Variants in C6 observed in about 807,000 individuals in gnomAD.
The protein encoded by C6 is complement C6, also known as complement component C6.
C6 carries 101 observed loss-of-function variants against 112.9 expected under a neutral mutation model. That is an observed-to-expected ratio of 0.89 (90% CI 0.76 to 1.06). C6 has a LOEUF of 1.06. Among genes scored for constraint, C6 ranks in the 50% least tolerant of loss-of-function variants. The pLI is 0.00. For missense variants in C6, 1,202 were observed against 1,104.6 expected, an observed-to-expected ratio of 1.09 and a Z score of -1.25; for synonymous variants, 431 against 384.1, an observed-to-expected ratio of 1.12 and a Z score of -1.43.
intron 9 of C6, among the ~76,000 whole-genome samples, chr5:41,164,041 G>A (rs754328551): frequency 1.7e-4 from 25 of 149,996 alleles, no homozygotes; most frequent in Non-Finnish European, 1.5e-5. Flanking sequence ...ATATGGAATA[G>A]GTATATAAAT....
intron 5 of C6, among the ~76,000 whole-genome samples, chr5:41,188,393 A>T (rs571666491): frequency 6.6e-6 from 1 of 152,246 alleles, no homozygotes; most frequent in South Asian, 2.1e-4. Flanking sequence ...GGTCATCAAG[A>T]CAGTGTAGTA....
chr5:41,231,223 T>G (rs1352317025), intron 1 of C6, among the ~76,000 whole-genome samples: 2 of 152,178 alleles, frequency 1.3e-5, no homozygotes, highest in Non-Finnish European at 2.9e-5. Context: ...GATAAGGATT[T>G]ACTTGTTTCA....
chr5:41,160,049 TA>T, intron 11 of C6, 92 bp downstream of exon 11: 1 of 983,304 alleles, frequency 1.0e-6, no homozygotes, highest in Non-Finnish European at 1.6e-6. Context: ...TGGAGGTTGC[TA>T]ATAGAAGTTT....
upstream of C6, among the ~76,000 whole-genome samples, chr5:41,215,048 C>G (rs2150398932): frequency 6.6e-6 from 1 of 152,268 alleles, no homozygotes; most frequent in South Asian, 2.1e-4. Flanking sequence ...GGTTCTCCAT[C>G]TTGGGTTCTT....
chr5:41,183,043 T>C (rs976017671), intron 6 of C6, among the ~76,000 whole-genome samples: 2 of 152,236 alleles, frequency 1.3e-5, no homozygotes, highest in African/African-American at 4.8e-5. Context: ...AACAACTAGC[T>C]CTCTGGGAAG....
intron 5 of C6, among the ~76,000 whole-genome samples, chr5:41,194,491 G>A (rs1750456385): frequency 6.6e-6 from 1 of 152,040 alleles, no homozygotes; most frequent in Non-Finnish European, 1.5e-5. Context: ...AATATTTTCT[G>A]GGTTTTATTC....
intron 1 of C6, among the ~76,000 whole-genome samples, chr5:41,233,367 G>A (rs1228214968): frequency 2.0e-5 from 3 of 152,014 alleles, no homozygotes; most frequent in Non-Finnish European, 4.4e-5. Context: ...ATTGTTTCTT[G>A]ATGGATATTC....
At chr5:41,223,502 A>G (rs1739303205) in intron 1 of C6, among the ~76,000 whole-genome samples, 2 of 152,122 alleles carry the variant, frequency 1.3e-5, no homozygotes, top group South Asian at 4.1e-4. Flanking sequence ...TAAAGGATAA[A>G]TTGAAATACC....
At chr5:41,239,268 C>T (rs549278257) in intron 1 of C6, among the ~76,000 whole-genome samples, 14 of 151,766 alleles carry the variant, frequency 9.2e-5, no homozygotes, top group Admixed American at 6.6e-5. Flanking sequence ...CGTGCCACCA[C>T]GCCCAGCTAA....
intron 7 of C6, among the ~76,000 whole-genome samples, chr5:41,180,563 C>T (rs1749247122): frequency 6.6e-6 from 1 of 151,792 alleles, no homozygotes; most frequent in African/African-American, 2.4e-5. Flanking sequence ...AGGAAAAGTC[C>T]AATACTTAGA....
At chr5:41,254,920 G>A (rs2150442298) in intron 1 of C6, among the ~76,000 whole-genome samples, 1 of 152,284 alleles carries the variant, frequency 6.6e-6, no homozygotes, top group South Asian at 2.1e-4. Context: ...CAGGTATAGA[G>A]GGATTGTGTC....
At chr5:41,176,072 A>G (rs1452788060) in intron 8 of C6, among the ~76,000 whole-genome samples, 3 of 152,230 alleles carry the variant, frequency 2.0e-5, no homozygotes, top group Non-Finnish European at 4.4e-5. Flanking sequence ...GTATTGCTTT[A>G]TGAAATTATA....
intron 1 of C6, among the ~76,000 whole-genome samples, chr5:41,207,356 G>T (rs1328280255): frequency 6.6e-6 from 1 of 152,108 alleles, no homozygotes; most frequent in Admixed American, 6.5e-5. Context: ...CATAATGACG[G>T]GTTCAAATTC....
intron 9 of C6, among the ~76,000 whole-genome samples, chr5:41,162,743 G>T (rs1747638445): frequency 2.6e-5 from 4 of 152,186 alleles, no homozygotes; most frequent in Non-Finnish European, 4.4e-5. Flanking sequence ...AGATAGTCTA[G>T]AATGATTAGG....
At chr5:41,211,926 G>C (rs1006863424) in intron 1 of C6, among the ~76,000 whole-genome samples, 1 of 152,012 alleles carries the variant, frequency 6.6e-6, no homozygotes, top group Admixed American at 6.6e-5. Flanking sequence ...GAAAGGTATG[G>C]GTGAGTTTTA....
intron 5 of C6, among the ~76,000 whole-genome samples, chr5:41,187,979 A>T (rs985134078): frequency 2.0e-5 from 3 of 152,166 alleles, no homozygotes; most frequent in Non-Finnish European, 4.4e-5. Flanking sequence ...ATTTCCCTAC[A>T]AATAGCAATG....
intron 1 of C6, among the ~76,000 whole-genome samples, chr5:41,229,398 A>T (rs1167694653): frequency 1.3e-5 from 2 of 151,188 alleles, no homozygotes; most frequent in Non-Finnish European, 2.9e-5. Flanking sequence ...TTGTGTCAAT[A>T]TATTTTTAGC....
chr5:41,220,847 T>G (rs1739118950), intron 1 of C6, among the ~76,000 whole-genome samples: 1 of 152,114 alleles, frequency 6.6e-6, no homozygotes, highest in Admixed American at 6.6e-5. Flanking sequence ...TCCAGCCTTT[T>G]CCCTACTCCT....
chr5:41,201,597 A>G lies in C6; in HGVS notation c.261T>C (p.Phe87=). ...AAGGGTCACAGTCTGACCATGGTCCAAAATCTCCCAGGAGGCAGTTGATGG... is the reference window on the plus strand; with the variant it reads ...AAGGGTCACAGTCTGACCATGGTCCGAAATCTCCCAGGAGGCAGTTGATGG... ...RCPINCLLGD[F]GPWSDCDPCI... is the part of the protein sequence containing the mutation. The change falls in exon 3 of 18, where the codon TTT becomes TTC. Residue 87 remains phenylalanine, a synonymous_variant. Coordinates refer to ENST00000337836, the MANE Select transcript of C6 (RefSeq NM_000065.5). 1 of 1,613,694 alleles carries G rather than the reference A, an allele frequency of 6.2e-7. No individual in the cohort carries two copies.
Sources: gnomAD v4.1 joint callset for allele counts (sites outside exome capture counted in the v4.1 genomes callset) on GRCh38, gnomAD v4.1.1 for gene constraint, MANE v1.5 for transcripts, NCBI Gene and HGNC (gene_info 2026-07-23, HGNC 2026-07-21) for gene names.